MCF2L2: variants seen among roughly 807,000 people sequenced by gnomAD.
MCF2L2 encodes MCF.2 cell line derived transforming sequence-like 2.
A neutral mutation model predicts 150.2 loss-of-function variants in MCF2L2; 102 were observed. The ratio of observed to expected loss-of-function variants is 0.68; its 90% confidence interval spans 0.58 to 0.80. MCF2L2 has a LOEUF of 0.80. Ranked by LOEUF, MCF2L2 falls within the 30% of genes least tolerant of loss-of-function variation. MCF2L2 has a pLI of 0.00. For synonymous variants in MCF2L2, 465 were observed against 491.3 expected (o/e 0.95, Z 0.71); for missense variants, 1,256 against 1,372.8 (o/e 0.91, Z 1.34).
chr3:183,264,494 G>C (rs1241728972), intron 15 of MCF2L2, among the ~76,000 whole-genome samples: 1 of 152,162 alleles, frequency 6.6e-6, no homozygotes, highest in African/African-American at 2.4e-5. Flanking sequence ...TTTGAGATTG[G>C]AGACTGTAAA....
chr3:183,382,278 C>T (rs899114569), intron 2 of MCF2L2, among the ~76,000 whole-genome samples: 1 of 152,166 alleles, frequency 6.6e-6, no homozygotes, highest in East Asian at 1.9e-4. Flanking sequence ...AGGCTGGTCT[C>T]GAACTCCTGA....
Position 183,205,903 on chromosome 3 carries a change from A to G in MCF2L2, c.2857T>C (p.Leu953=), listed in dbSNP as rs769059482. 4.4e-5 allele frequency: 71 copies of G among 1,613,912 alleles called. No homozygotes were observed. Among genetic ancestry groups the G allele is most frequent in the Middle Eastern group, 1.6e-4 (1 of 6,082 alleles). The part of the protein sequence containing the change: ...DCWFSEISKL[L]MEQQNNIKDQ... ...TTGATATTATTTTGTTGTTCCATCA[A>G]TAATTTACTTATTTCTGAAAACCAA... Residue 953 remains leucine, a synonymous_variant, in exon 25 of 30, where the codon TTG becomes CTG. Transcript: ENST00000328913.
intron 13 of MCF2L2, among the ~76,000 whole-genome samples, chr3:183,292,589 A>G (rs951812024): frequency 6.7e-6 from 1 of 149,456 alleles, no homozygotes. Context: ...ACACACACAC[A>G]TGCACACACA....
At chr3:183,294,276 A>G (rs76281940) in intron 13 of MCF2L2, among the ~76,000 whole-genome samples, 3,286 of 152,242 alleles carry the variant, frequency 0.022, 68 homozygotes, top group East Asian at 0.051. Context: ...CTAATAAAAC[A>G]TGGGCCTTTT....
At chr3:183,425,223 C>T (rs910756643) in intron 1 of MCF2L2, among the ~76,000 whole-genome samples, 4 of 152,080 alleles carry the variant, frequency 2.6e-5, no homozygotes, top group Admixed American at 2.6e-4. Context: ...GCAGCCAAGA[C>T]ACTTATGGAA....
At chr3:183,330,478 G>C (rs543739758) in intron 5 of MCF2L2, among the ~76,000 whole-genome samples, 1 of 152,260 alleles carries the variant, frequency 6.6e-6, no homozygotes, top group East Asian at 1.9e-4. Context: ...GAGCAGATCA[G>C]TGGCAGCCAG....
At position 183,195,213 on chromosome 3, in the gene MCF2L2, A is replaced by G. The variant is rs376982256; in HGVS notation, c.2918+9T>C. The G allele has an allele frequency of 6.3e-7, 1 of 1,595,286 alleles. No individual in the cohort carries two copies. The highest frequency in any genetic ancestry group is 1.4e-5 in the African/African-American group (1 of 73,722). ...GACATGCCTTTAAAATAAAAAAATC[A>G]GTACTCACCTCGTGCTCATTTCAAA... On this transcript the variant is annotated intron_variant, in intron 26 of 29. Coordinates refer to ENST00000328913, the MANE Select transcript of MCF2L2 (RefSeq NM_015078.4).
chr3:183,254,001 C>G (rs1390707653), intron 15 of MCF2L2: 2 of 152,100 alleles, frequency 1.3e-5, no homozygotes, highest in East Asian at 1.9e-4. Flanking sequence ...GCCGCGGCCC[C>G]GAGCTGGGCT....
chr3:183,222,723 CA>C (rs1339907818), intron 20 of MCF2L2, among the ~76,000 whole-genome samples: 1 of 152,092 alleles, frequency 6.6e-6, no homozygotes, highest in Non-Finnish European at 1.5e-5. Context: ...CGTGGTGGCC[CA>C]AACCTTTCTC....
intron 1 of MCF2L2, among the ~76,000 whole-genome samples, chr3:183,390,664 A>G (rs964759940): frequency 6.6e-6 from 1 of 152,134 alleles, no homozygotes; most frequent in Non-Finnish European, 1.5e-5. Flanking sequence ...ACTGAGGCCG[A>G]GGGGGAAGGA....
At chr3:183,388,818 G>A (rs1287858325) in intron 2 of MCF2L2, among the ~76,000 whole-genome samples, 1 of 152,188 alleles carries the variant, frequency 6.6e-6, no homozygotes, top group Non-Finnish European at 1.5e-5. Context: ...GGGATGAGGA[G>A]CTTGGAGCAG....
At chr3:183,383,483 C>A (rs1051122808) in intron 2 of MCF2L2, among the ~76,000 whole-genome samples, 7 of 152,142 alleles carry the variant, frequency 4.6e-5, no homozygotes, top group Non-Finnish European at 1.0e-4. Flanking sequence ...GATCCGCCCA[C>A]CTCGGCCTCC....
At chr3:183,183,996 A>T (rs959173445) in intron 27 of MCF2L2, among the ~76,000 whole-genome samples, 6 of 152,148 alleles carry the variant, frequency 3.9e-5, no homozygotes, top group African/African-American at 7.2e-5. Flanking sequence ...TGATTATAGC[A>T]AAACTGTTTT....
intron 18 of MCF2L2, chr3:183,226,623 T>C (rs1305140881): frequency 1.3e-5 from 2 of 152,206 alleles, no homozygotes; most frequent in Admixed American, 6.5e-5. Context: ...AGGTATTTAG[T>C]TAATAATTCT....
chr3:183,416,456 T>C (rs1715592534), intron 1 of MCF2L2, among the ~76,000 whole-genome samples: 1 of 152,118 alleles, frequency 6.6e-6, no homozygotes, highest in African/African-American at 2.4e-5. Flanking sequence ...TTACTGAATA[T>C]ATATACCCAA....
intron 18 of MCF2L2, chr3:183,226,854 T>G (rs1485005941): frequency 6.6e-6 from 1 of 152,184 alleles, no homozygotes; most frequent in East Asian, 1.9e-4. Context: ...TCAAAAAAAT[T>G]AATGAATCAG....
At chr3:183,407,759 G>A (rs1322918062) in intron 1 of MCF2L2, among the ~76,000 whole-genome samples, 2 of 152,104 alleles carry the variant, frequency 1.3e-5, no homozygotes, top group African/African-American at 2.4e-5. Context: ...CACAGCCTGC[G>A]GGCTTGTTCC....
chr3:183,231,901 G>C (rs954315984), intron 15 of MCF2L2, among the ~76,000 whole-genome samples: 2 of 152,182 alleles, frequency 1.3e-5, no homozygotes, highest in African/African-American at 2.4e-5. Flanking sequence ...GTCAAGGAAT[G>C]CAGGTGGAAG....
At chr3:183,303,194 CAAAA>C (rs56742154) in intron 10 of MCF2L2, among the ~76,000 whole-genome samples, 1 of 123,950 alleles carries the variant, frequency 8.1e-6, no homozygotes, top group African/African-American at 3.2e-5. Flanking sequence ...ACTCTGTCTC[CAAAA>C]AAAAAAAAGA....
Sources: gnomAD v4.1 joint callset for allele counts (sites outside exome capture counted in the v4.1 genomes callset) on GRCh38, gnomAD v4.1.1 for gene constraint, MANE v1.5 for transcripts, NCBI Gene and HGNC (gene_info 2026-07-23, HGNC 2026-07-21) for gene names.